Variants in AQP4 observed in about 807,000 individuals in gnomAD.
AQP4 encodes the protein aquaporin 4, also known as aquaporin-4.
A neutral mutation model predicts 27.8 loss-of-function variants in AQP4; 18 were observed. The observed-to-expected ratio is 0.65, with a 90% CI of 0.45 to 0.96. The LOEUF (loss-of-function observed/expected upper bound fraction) is 0.96, where lower values mean the gene tolerates loss of function less well. Ranked by LOEUF, AQP4 falls within the 40% of genes least tolerant of loss-of-function variation. The pLI is 0.00. For missense variants in AQP4, 412 were observed against 408.2 expected (o/e 1.01, Z -0.08); for synonymous variants, 141 against 142.9 (o/e 0.99, Z 0.10).
At chr18:26,862,848 G>A in intron 1 of AQP4, 1 of 563,122 alleles carries the variant, frequency 1.8e-6, no homozygotes, top group Non-Finnish European at 3.1e-6. Flanking sequence ...CCCTAGAAAG[G>A]AAAAATGTCT....
rs954633303 is a variant in AQP4 at position 26,862,256 on chromosome 18, C to G, written c.373G>C (p.Gly125Arg). 6.2e-7 allele frequency: 1 copy of G among 1,614,152 alleles called. No homozygotes were observed. The highest frequency in any genetic ancestry group is 1.3e-5 in the African/African-American group (1 of 75,032). The change falls in exon 2 of 5, where the codon GGG (glycine) becomes CGG (arginine). Residue 125 changes from glycine to arginine, a missense_variant. Transcript: ENST00000383168. ...SVFYIAAQCLGAIIGAGILYL... is the reference protein window; with the variant it reads ...SVFYIAAQCLRAIIGAGILYL... The stretch of plus-strand genomic sequence containing the variant: ...AGGATTCCTGCTCCAATGATGGCCC[C>G]CAGGCACTGGGCTGCGATGTAGAAG...
intron 1 of AQP4, among the ~76,000 whole-genome samples, chr18:26,865,003 C>A (rs542096355): frequency 6.6e-6 from 1 of 151,682 alleles, no homozygotes; most frequent in South Asian, 2.1e-4. Context: ...AACACCAACA[C>A]AAAACATAAA....
chr18:26,856,219 A>G lies in AQP4; in HGVS notation c.964T>C (p.Ser322Pro). Residue 322 changes from serine (S) to proline (P), a missense_variant, in exon 5 of 5, where the codon TCA (serine) becomes CCA (proline). Transcript: ENST00000383168. Reference protein sequence around the residue: ...GKDQSGEVLSSV With the variant: ...GKDQSGEVLSPV ...TCAGTGCGATCTTCTAGTCATACTGAAGACAATACCTCTCCAGATTGGTCT... is the reference window on the plus strand; with the variant it reads ...TCAGTGCGATCTTCTAGTCATACTGGAGACAATACCTCTCCAGATTGGTCT... 1 of 1,614,198 alleles carries G rather than the reference A, an allele frequency of 6.2e-7. No homozygotes were observed. Among genetic ancestry groups the G allele is most frequent in the Admixed American group, 1.7e-5 (1 of 60,028 alleles).
At chr18:26,862,894 A>G (rs2054980816) in intron 1 of AQP4, 3 of 436,802 alleles carry the variant, frequency 6.9e-6, no homozygotes, top group East Asian at 4.5e-5. Flanking sequence ...AATAAAATAT[A>G]TTTACCTTGT....
chr18:26,862,085 C>A (rs1004417928), intron 2 of AQP4, 97 bp downstream of exon 2: 48 of 1,381,678 alleles, frequency 3.5e-5, no homozygotes, highest in Non-Finnish European at 4.5e-5. Flanking sequence ...AGTAAATTAG[C>A]TATTTTAGGG....
chr18:26,859,418 G>A (rs2054899645), intron 4 of AQP4, among the ~76,000 whole-genome samples: 1 of 152,184 alleles, frequency 6.6e-6, no homozygotes, highest in South Asian at 2.1e-4. Flanking sequence ...CTACTCGGGA[G>A]GCTGAGGTTG....
rs987297283 is a variant in AQP4, at chr18:26,856,082, T to C, written c.*129A>G. ...ATTATGAAATATTTATTGTTTAGACTGAGTAATATGACATGAAACAACAAA... is the reference window on the plus strand; with the variant it reads ...ATTATGAAATATTTATTGTTTAGACCGAGTAATATGACATGAAACAACAAA... On this transcript the variant is annotated 3_prime_UTR_variant, in exon 5 of 5. Coordinates refer to ENST00000383168, the MANE Select transcript of AQP4 (RefSeq NM_001650.7). 3 of 1,128,880 alleles carry C rather than the reference T, an allele frequency of 2.7e-6. No homozygotes were observed. The African/African-American group carries it at 4.6e-5, about 17-fold the overall frequency. The allele number at this position is 1,128,880 out of a possible 1,614,324, so 69.9% of individuals were successfully genotyped here. A position where few individuals can be genotyped will look rare whatever the true frequency, so the allele number is the denominator to read the frequency against.
Position 26,855,889 on chromosome 18 carries a change from G to C in AQP4, c.*322C>G, listed in dbSNP as rs1280931004. ...GGAATAAGCTGATAGACGTGTCTTTGAGTTCTGTCAGGCAAGACTTAACCA... is the reference window on the plus strand; with the variant it reads ...GGAATAAGCTGATAGACGTGTCTTTCAGTTCTGTCAGGCAAGACTTAACCA... On this transcript the variant is annotated 3_prime_UTR_variant, in exon 5 of 5. Coordinates refer to ENST00000383168, the MANE Select transcript of AQP4 (RefSeq NM_001650.7). 4.0e-5 allele frequency: 14 copies of C among 350,988 alleles called. No homozygotes were observed. The Admixed American group carries it at 6.0e-4, about 15-fold the overall frequency. The allele number at this position is 350,988 out of a possible 1,614,324, so 21.7% of individuals were successfully genotyped here.
At position 26,863,559 on chromosome 18, in the gene AQP4, GC is replaced by G. The variant is rs985411466; in HGVS notation, c.33-964del. On this transcript the variant is annotated intron_variant, in intron 1 of 4. Coordinates refer to ENST00000383168, the MANE Select transcript of AQP4 (RefSeq NM_001650.7). ...GGGAGGAAGGACAGCCTCTCCTCGTGCCCGACCCTCTCTCACCCCTTGACCC... is the reference window on the plus strand; with the variant it reads ...GGGAGGAAGGACAGCCTCTCCTCGTGCCGACCCTCTCTCACCCCTTGACCC... Among the ~76,000 whole-genome samples, 388 of 152,244 alleles carry G rather than the reference GC, an allele frequency of 2.5e-3. 2 individuals carry two copies. The highest frequency in any genetic ancestry group is 8.9e-3 in the African/African-American group (368 of 41,554).
chr18:26,858,255 A>G (rs1333869978), intron 4 of AQP4, among the ~76,000 whole-genome samples: 1 of 152,182 alleles, frequency 6.6e-6, no homozygotes, highest in African/African-American at 2.4e-5. Flanking sequence ...CCTGGGCAAC[A>G]GAGTAAGACC....
chr18:26,860,630 T>G, intron 4 of AQP4, 142 bp downstream of exon 4: 1 of 781,932 alleles, frequency 1.3e-6, no homozygotes, highest in South Asian at 1.4e-5. Context: ...TTCCCTAGTC[T>G]TTATGAAAGA....
chr18:26,857,201 A>T (rs908133921), intron 4 of AQP4, among the ~76,000 whole-genome samples: 2 of 152,176 alleles, frequency 1.3e-5, no homozygotes, highest in East Asian at 1.9e-4. Context: ...CCTCGTGTTC[A>T]TTACTGTGCA....
In AQP4 at chr18:26,860,818, C is replaced by G; in HGVS notation, c.647G>C (p.Arg216Pro). 1.9e-6 allele frequency: 3 copies of G among 1,613,996 alleles called. No homozygotes were observed. Among genetic ancestry groups the G allele is most frequent in the Non-Finnish European group, 2.5e-6 (3 of 1,179,928 alleles). Reference protein sequence around the residue: ...NYTGASMNPARSFGPAVIMGN... With the variant: ...NYTGASMNPAPSFGPAVIMGN... Reference sequence around the variant, plus strand: ...CATGATAACTGCAGGTCCAAAGGATCGGGCGGGATTCATGCTGGCACCAGT... The same window carrying G: ...CATGATAACTGCAGGTCCAAAGGATGGGGCGGGATTCATGCTGGCACCAGT... Residue 216 changes from arginine to proline, a missense_variant, in exon 4 of 5, where the codon CGA (arginine) becomes CCA (proline). Coordinates refer to ENST00000383168, the MANE Select transcript of AQP4 (RefSeq NM_001650.7).
At chr18:26,860,661 GGTT>G in intron 4 of AQP4, 108 bp downstream of exon 4, 1 of 930,070 alleles carries the variant, frequency 1.1e-6, no homozygotes, top group Non-Finnish European at 1.8e-6. Flanking sequence ...TGAGGGTCAA[GGTT>G]GGAGAAATGC....
chr18:26,859,164 T>TA (rs1166521089), intron 4 of AQP4, among the ~76,000 whole-genome samples: 3 of 152,234 alleles, frequency 2.0e-5, no homozygotes, highest in Non-Finnish European at 4.4e-5. Flanking sequence ...TAAATTTAAC[T>TA]AAAAGTTGTT....
chr18:26,861,041 G>A, intron 3 of AQP4, 90 bp downstream of exon 3: 1 of 1,502,542 alleles, frequency 6.7e-7, no homozygotes, highest in Non-Finnish European at 9.3e-7. Flanking sequence ...ATACTAAAGA[G>A]CTACTGCTGT....
At chr18:26,857,324 T>G (rs1265891461) in intron 4 of AQP4, among the ~76,000 whole-genome samples, 1 of 150,466 alleles carries the variant, frequency 6.6e-6, no homozygotes, top group Non-Finnish European at 1.5e-5. Context: ...TTATTATTAT[T>G]ATTATTATTA....
chr18:26,865,731 A>G (rs72557966), upstream of AQP4: 1 of 1,613,510 alleles, frequency 6.2e-7, no homozygotes, highest in Non-Finnish European at 8.5e-7. Flanking sequence ...CCTGCCCCGC[A>G]GCTCCCTGTG....
Position 26,853,099 on chromosome 18 carries a change from A to ATATG in AQP4, c.*3111_*3112insCATA. 2.6e-6 allele frequency: 1 copy of ATATG among 391,418 alleles called. No individual in the cohort carries two copies. Among genetic ancestry groups the ATATG allele is most frequent in the Non-Finnish European group, 4.5e-6 (1 of 221,964 alleles). 24.2% of individuals were successfully genotyped at this position (391,418 alleles called of 1,614,324 possible). On this transcript the variant is annotated 3_prime_UTR_variant, in exon 5 of 5. Transcript: ENST00000383168. The stretch of plus-strand genomic sequence containing the variant: ...AGATCTCTGATAAATCATATAGCTC[A>ATATG]ATTTCATCACATATGTTTTCCAAAG...
Sources: allele counts gnomAD v4.1 joint callset (sites outside exome capture counted in the v4.1 genomes callset), GRCh38; gene constraint gnomAD v4.1.1; transcripts MANE v1.5; gene names NCBI Gene and HGNC (gene_info 2026-07-23, HGNC 2026-07-21).